GRK3: variants seen among roughly 807,000 people sequenced by gnomAD.
The protein encoded by GRK3 is G protein-coupled receptor kinase 3.
In GRK3, 54 loss-of-function variants were observed where a neutral mutation model predicts 95.7. The ratio of observed to expected loss-of-function variants is 0.56; its 90% CI spans 0.45 to 0.71. The LOEUF is 0.71. GRK3 is among the 30% of genes least tolerant of loss of function. GRK3 has a pLI of 0.00. For missense variants in GRK3, 649 were observed against 851.2 expected, an observed-to-expected ratio of 0.76 and a Z score of 2.96; for synonymous variants, 281 against 290.8, an observed-to-expected ratio of 0.97 and a Z score of 0.34.
intron 3 of GRK3, among the ~76,000 whole-genome samples, chr22:25,647,020 CAAAAAAAA>C (rs1025786169): frequency 5.6e-5 from 3 of 54,018 alleles, no homozygotes; most frequent in Non-Finnish European, 7.7e-5. Flanking sequence ...GACTTTGTCT[CAAAAAAAA>C]AAAAAAAAAA....
intron 2 of GRK3, among the ~76,000 whole-genome samples, chr22:25,634,386 T>C (rs1437348121): frequency 6.6e-6 from 1 of 152,192 alleles, no homozygotes; most frequent in Non-Finnish European, 1.5e-5. Context: ...TTCGTGGTGC[T>C]TGCAGGGGTT....
At chr22:25,693,651 C>T (rs2085182724) in intron 12 of GRK3, among the ~76,000 whole-genome samples, 2 of 152,120 alleles carry the variant, frequency 1.3e-5, no homozygotes, top group African/African-American at 4.8e-5. Context: ...TTGGATAAAA[C>T]TCTCAAATAC....
intron 2 of GRK3, among the ~76,000 whole-genome samples, chr22:25,625,635 G>A (rs866720124): frequency 2.0e-5 from 3 of 152,158 alleles, no homozygotes; most frequent in African/African-American, 2.4e-5. Flanking sequence ...AGTCAGGCTC[G>A]CCCACAGTTA....
chr22:25,696,330 A>T (rs1030538624), intron 13 of GRK3, among the ~76,000 whole-genome samples: 18 of 152,150 alleles, frequency 1.2e-4, no homozygotes, highest in Non-Finnish European at 7.3e-5. Flanking sequence ...TGCTGAAATT[A>T]ATTTGTCTTT....
intron 1 of GRK3, among the ~76,000 whole-genome samples, chr22:25,576,497 T>C (rs1398321622): frequency 6.6e-6 from 1 of 152,254 alleles, no homozygotes; most frequent in Non-Finnish European, 1.5e-5. Context: ...ATTTGTGTTA[T>C]GTATTGATTT....
chr22:25,715,227 A>G (rs1258721767), intron 18 of GRK3: 1 of 152,290 alleles, frequency 6.6e-6, no homozygotes, highest in Non-Finnish European at 1.5e-5. Flanking sequence ...AAAATTGCCA[A>G]ATCAGGCCAG....
chr22:25,606,205 G>A (rs1471553694), intron 2 of GRK3, among the ~76,000 whole-genome samples: 2 of 152,222 alleles, frequency 1.3e-5, no homozygotes, highest in Non-Finnish European at 1.5e-5. Context: ...CATTTTATCT[G>A]AAGCTGTTAA....
chr22:25,700,297 T>C (rs1238648581), intron 13 of GRK3, among the ~76,000 whole-genome samples: 1 of 152,180 alleles, frequency 6.6e-6, no homozygotes, highest in Admixed American at 6.5e-5. Context: ...TGCATCCATG[T>C]TGCAAATCTG....
intron 18 of GRK3, 61 bp from the exon 19 acceptor site, chr22:25,718,184 A>G (rs2085401832): frequency 1.9e-6 from 3 of 1,545,070 alleles, no homozygotes; most frequent in African/African-American, 2.8e-5. Context: ...TCAGAGAATA[A>G]TGCTGCTAAG....
intron 2 of GRK3, among the ~76,000 whole-genome samples, chr22:25,605,395 G>A (rs2084437953): frequency 6.6e-6 from 1 of 152,154 alleles, no homozygotes. Context: ...TACTTTCATG[G>A]TGTGTGGTTA....
At chr22:25,576,337 T>C (rs2331121) in intron 1 of GRK3, among the ~76,000 whole-genome samples, 51 of 152,338 alleles carry the variant, frequency 3.3e-4, no homozygotes, top group African/African-American at 1.1e-3. Flanking sequence ...CTGAAATCCC[T>C]GACTACAGTG....
chr22:25,687,761 C>A, intron 11 of GRK3, 94 bp downstream of exon 11: 1 of 1,362,880 alleles, frequency 7.3e-7, no homozygotes, highest in Non-Finnish European at 1.0e-6. Flanking sequence ...CTGTCATTTT[C>A]CTCATAGCCC....
At chr22:25,699,474 C>G (rs1028816004) in intron 13 of GRK3, among the ~76,000 whole-genome samples, 1 of 152,032 alleles carries the variant, frequency 6.6e-6, no homozygotes, top group African/African-American at 2.4e-5. Flanking sequence ...TACTGGCATC[C>G]CCTAAGTAGA....
chr22:25,585,116 T>C (rs1228551341), intron 1 of GRK3, among the ~76,000 whole-genome samples: 4 of 152,294 alleles, frequency 2.6e-5, no homozygotes, highest in Non-Finnish European at 5.9e-5. Flanking sequence ...ATCCTGGGCT[T>C]GTAGAACAGC....
chr22:25,714,345 C>T (rs758424100), intron 17 of GRK3, 63 bp from the exon 18 acceptor site: 65 of 1,441,306 alleles, frequency 4.5e-5, no homozygotes, highest in Non-Finnish European at 5.9e-5. Flanking sequence ...GATGTGGCGC[C>T]GCGGACTCTT....
In GRK3 at chr22:25,565,168, G is replaced by C. The variant is rs1378465757; in HGVS notation, c.113+15G>C. 1 of 1,422,840 alleles carries C rather than the reference G, an allele frequency of 7.0e-7. No individual in the cohort carries two copies. Among genetic ancestry groups the C allele is most frequent in the Non-Finnish European group, 9.4e-7 (1 of 1,062,590 alleles). 88.1% of individuals were successfully genotyped at this position (1,422,840 alleles called of 1,614,324 possible). ...CCGGAGCCCAGGTACCAGCTGCCCC[G>C]GCCGGCGCCGGCCCCAAGCCGCCGC... On this transcript the variant is annotated intron_variant, in intron 1 of 20. Coordinates refer to ENST00000324198, the MANE Select transcript of GRK3 (RefSeq NM_005160.4).
chr22:25,656,497 T>A (rs1405533338), intron 3 of GRK3, among the ~76,000 whole-genome samples: 1 of 152,074 alleles, frequency 6.6e-6, no homozygotes, highest in Non-Finnish European at 1.5e-5. Flanking sequence ...TTTTTAATTT[T>A]AAAAATTTTT....
At position 25,699,610 on chromosome 22, in the gene GRK3, C is replaced by T. The variant is rs552343484; in HGVS notation, c.1161-3900C>T. 3.3e-5 allele frequency among the ~76,000 whole-genome samples: 5 copies of T among 152,230 alleles called. No homozygotes were observed. In the South Asian group the frequency reaches 8.3e-4, roughly 25 times the overall value. On this transcript the variant is annotated intron_variant, in intron 13 of 20. Transcript: ENST00000324198. The stretch of plus-strand genomic sequence containing the variant: ...AGGACCACTGCCCCAGAGCAAATGC[C>T]CCTCCCTCCTCCCACAGCTGTGCAG...
rs117717842 is a variant in GRK3 at position 25,682,998 on chromosome 22, T to C, written c.748-2172T>C. Among the ~76,000 whole-genome samples, 973 of 152,380 alleles carry C rather than the reference T, an allele frequency of 6.4e-3. 12 individuals carry two copies. Among genetic ancestry groups the C allele is most frequent in the Non-Finnish European group, 0.011 (750 of 68,038 alleles). ...GGTGTTGCCCACGGCTGTAACTCCC[T>C]CCTGTAGCTGTGCAGCAGAGGTCAG... On this transcript the variant is annotated intron_variant, in intron 9 of 20. Coordinates refer to ENST00000324198, the MANE Select transcript of GRK3 (RefSeq NM_005160.4).
Sources: gnomAD v4.1 joint callset for allele counts (sites outside exome capture counted in the v4.1 genomes callset) on GRCh38, gnomAD v4.1.1 for gene constraint, MANE v1.5 for transcripts, NCBI Gene and HGNC (gene_info 2026-07-23, HGNC 2026-07-21) for gene names.